EVI5: variants seen among roughly 807,000 people sequenced by gnomAD.
EVI5 encodes ecotropic viral integration site 5, also known as ecotropic viral integration site 5 protein homolog.
Under a neutral mutation model 112.0 loss-of-function variants are expected in EVI5, and 73 were observed. The observed-to-expected ratio is 0.65, with a 90% confidence interval of 0.54 to 0.79. The LOEUF is 0.79. Ranked by LOEUF, EVI5 falls within the 30% of genes least tolerant of loss-of-function variation. The probability of loss-of-function intolerance (pLI) is 0.00; values close to 1 mark genes in which losing one functional copy is unlikely to be tolerated. For missense variants in EVI5, 900 were observed against 968.8 expected (o/e 0.93, Z 0.94); for synonymous variants, 305 against 319.9 (o/e 0.95, Z 0.50).
chr1:92,513,869 G>T lies in EVI5; in HGVS notation c.2268C>A (p.Ser756=), dbSNP rs763255869. The change falls in exon 20 of 20, where the codon TCC becomes TCA. Residue 756 remains serine (S), a synonymous_variant. Coordinates refer to ENST00000684568, the MANE Select transcript of EVI5 (RefSeq NM_001350197.2). ...AATTATCTATAAAATCTTCATCGGA[G>T]GAATGGAATGATTCATCATCTCCTA... ...HLIGDDESFH[S]SDEDFIDNSL... is the part of the protein sequence containing the mutation. 8.7e-6 allele frequency: 14 copies of T among 1,612,646 alleles called. No individual in the cohort carries two copies. Among genetic ancestry groups the T allele is most frequent in the Admixed American group, 1.7e-5 (1 of 59,910 alleles).
At chr1:92,620,619 T>TA (rs1050509373) in intron 16 of EVI5, among the ~76,000 whole-genome samples, 2 of 152,104 alleles carry the variant, frequency 1.3e-5, no homozygotes, top group Non-Finnish European at 2.9e-5. Flanking sequence ...CAGAGTGATT[T>TA]AAAGTGTTAA....
chr1:92,755,077 T>G (rs978246951), intron 1 of EVI5, among the ~76,000 whole-genome samples: 10 of 151,208 alleles, frequency 6.6e-5, no homozygotes, highest in Non-Finnish European at 1.3e-4. Flanking sequence ...GGTTTTTTTT[T>G]TTTTTTTTTT....
At chr1:92,674,948 A>T (rs538642385) in intron 10 of EVI5, among the ~76,000 whole-genome samples, 1 of 152,364 alleles carries the variant, frequency 6.6e-6, no homozygotes, top group South Asian at 2.1e-4. Context: ...TCTTCTCTAT[A>T]GACAATTTTA....
chr1:92,733,488 C>T (rs1009766618), intron 2 of EVI5, among the ~76,000 whole-genome samples: 4 of 151,332 alleles, frequency 2.6e-5, no homozygotes, highest in African/African-American at 4.9e-5. Context: ...CTAACTGCAA[C>T]CTCCACCTCC....
At chr1:92,691,717 TGAGTA>T (rs1432885146) in intron 9 of EVI5, among the ~76,000 whole-genome samples, 1 of 151,810 alleles carries the variant, frequency 6.6e-6, no homozygotes, top group Non-Finnish European at 1.5e-5. Context: ...GAGATGGAAA[TGAGTA>T]ACATCACGTA....
chr1:92,632,483 C>T (rs1006196018), intron 14 of EVI5, among the ~76,000 whole-genome samples: 15 of 152,174 alleles, frequency 9.9e-5, no homozygotes, highest in African/African-American at 3.6e-4. Context: ...TTATAGTATG[C>T]TCTGATGGTA....
intron 2 of EVI5, among the ~76,000 whole-genome samples, chr1:92,724,150 C>G (rs1427661771): frequency 6.6e-6 from 1 of 152,052 alleles, no homozygotes; most frequent in Non-Finnish European, 1.5e-5. Context: ...TGACCTACTC[C>G]CTGTTCCACC....
At chr1:92,652,400 G>T (rs1662288615) in intron 13 of EVI5, among the ~76,000 whole-genome samples, 2 of 152,026 alleles carry the variant, frequency 1.3e-5, no homozygotes, top group African/African-American at 2.4e-5. Context: ...ACAATGAAAA[G>T]GTTCTATAAA....
chr1:92,786,140 C>T (rs890578346), upstream of EVI5, among the ~76,000 whole-genome samples: 7 of 150,738 alleles, frequency 4.6e-5, no homozygotes, highest in African/African-American at 1.5e-4. Context: ...CAAGAAACTC[C>T]GGAATTATTT....
chr1:92,628,400 C>G (rs1314624176), intron 14 of EVI5, among the ~76,000 whole-genome samples: 1 of 152,160 alleles, frequency 6.6e-6, no homozygotes, highest in Non-Finnish European at 1.5e-5. Context: ...AAATCCTTGC[C>G]TAAGCAAACG....
intron 13 of EVI5, among the ~76,000 whole-genome samples, chr1:92,656,954 A>G (rs1268209437): frequency 6.6e-6 from 1 of 152,196 alleles, no homozygotes; most frequent in Non-Finnish European, 1.5e-5. Flanking sequence ...TCTACCATAC[A>G]TACAATGAAG....
chr1:92,766,671 T>C (rs573572386), intron 1 of EVI5, among the ~76,000 whole-genome samples: 1 of 152,310 alleles, frequency 6.6e-6, no homozygotes, highest in South Asian at 2.1e-4. Context: ...TTTAGTTACT[T>C]TAACTACACA....
chr1:92,600,070 G>A (rs1648792636), intron 18 of EVI5, among the ~76,000 whole-genome samples: 2 of 152,216 alleles, frequency 1.3e-5, no homozygotes, highest in East Asian at 3.9e-4. Context: ...GAGTGGTAGG[G>A]AGAAGAGAAA....
intron 14 of EVI5, among the ~76,000 whole-genome samples, chr1:92,627,882 C>T (rs186702389): frequency 5.0e-3 from 756 of 152,136 alleles, no homozygotes; most frequent in African/African-American, 0.017. Context: ...TTCTGCCTCC[C>T]GGGTTCAAGC....
intron 1 of EVI5, among the ~76,000 whole-genome samples, chr1:92,761,855 T>A (rs1227847278): frequency 6.6e-6 from 1 of 152,240 alleles, no homozygotes; most frequent in African/African-American, 2.4e-5. Context: ...CTATCTTCAA[T>A]CTTTTAACAG....
At chr1:92,551,398 G>C (rs1666916106) in intron 19 of EVI5, among the ~76,000 whole-genome samples, 1 of 152,032 alleles carries the variant, frequency 6.6e-6, no homozygotes, top group Admixed American at 6.6e-5. Context: ...CATGATAATG[G>C]AAGAAAAGAA....
At chr1:92,696,044 T>C (rs1351056276) in intron 6 of EVI5, among the ~76,000 whole-genome samples, 1 of 151,658 alleles carries the variant, frequency 6.6e-6, no homozygotes, top group Non-Finnish European at 1.5e-5. Flanking sequence ...AATCCTCCCA[T>C]CTCAGCCTCC....
intron 2 of EVI5, among the ~76,000 whole-genome samples, chr1:92,708,834 T>C (rs1045680737): frequency 2.3e-4 from 35 of 152,238 alleles, no homozygotes; most frequent in African/African-American, 8.4e-4. Flanking sequence ...GAAAACATGA[T>C]GTTAAGTTAA....
intron 1 of EVI5, among the ~76,000 whole-genome samples, chr1:92,736,978 T>G (rs1407822561): frequency 1.3e-5 from 2 of 152,186 alleles, no homozygotes; most frequent in Non-Finnish European, 2.9e-5. Context: ...CATGTATGTA[T>G]GTATATGGGT....
Sources: gnomAD v4.1 joint callset for allele counts (sites outside exome capture counted in the v4.1 genomes callset) on GRCh38, gnomAD v4.1.1 for gene constraint, MANE v1.5 for transcripts, NCBI Gene and HGNC (gene_info 2026-07-23, HGNC 2026-07-21) for gene names.